Variants in ZNRF2 observed in about 807,000 individuals in gnomAD.
ZNRF2 encodes the protein zinc and ring finger 2, also known as E3 ubiquitin-protein ligase ZNRF2.
Under a neutral mutation model 20.4 loss-of-function variants are expected in ZNRF2, and 16 were observed. The ratio of observed to expected loss-of-function variants is 0.79; its 90% CI spans 0.53 to 1.19. The LOEUF is 1.19. Ranked by LOEUF, ZNRF2 falls within the 50% of genes most tolerant of loss-of-function variation. The pLI, the probability that ZNRF2 is intolerant of heterozygous loss-of-function variation, is 0.00. For synonymous variants in ZNRF2, 178 were observed against 144.9 expected (o/e 1.23, Z -1.64); for missense variants, 363 against 332.4 (o/e 1.09, Z -0.72).
intron 3 of ZNRF2, among the ~76,000 whole-genome samples, chr7:30,360,640 A>G (rs1364101818): frequency 6.6e-6 from 1 of 152,178 alleles, no homozygotes; most frequent in African/African-American, 2.4e-5. Context: ...GTTTGCAGTG[A>G]ATTGAGATGT....
rs1286425352 is a variant in ZNRF2, at chr7:30,323,691, T to C, written c.519T>C (p.Asp173=). Residue 173 remains aspartate, a synonymous_variant, in exon 2 of 5, where the codon GAT becomes GAC. Coordinates refer to ENST00000323037, the MANE Select transcript of ZNRF2 (RefSeq NM_147128.4). ...CSKFVSSDEM[D]LHLVMCLTKP... ...AATTTGTATCCTCAGATGAAATGGA[T>C]TTGCATCTTGTAATGTGTTTAACAA... 10 of 1,601,332 alleles carry C rather than the reference T, an allele frequency of 6.2e-6. No individual in the cohort carries two copies. The highest frequency in any genetic ancestry group is 1.3e-5 in the African/African-American group (1 of 74,194).
At chr7:30,361,482 A>G (rs1800126073) in intron 3 of ZNRF2, among the ~76,000 whole-genome samples, 1 of 152,246 alleles carries the variant, frequency 6.6e-6, no homozygotes, top group African/African-American at 2.4e-5. Context: ...CAAATTTGAA[A>G]TATGTCACCA....
Position 30,284,725 on chromosome 7 carries a change from CT to C in ZNRF2, c.-632del, listed in dbSNP as rs2128052625. ...CCAGATCCTCCCGCCAGCCCGGCCC[CT>C]CCTTCGCAGGGGGAGCGAGGCGACG... On this transcript the variant is annotated 5_prime_UTR_variant, in exon 1 of 5. Coordinates refer to ENST00000323037, the MANE Select transcript of ZNRF2 (RefSeq NM_147128.4). 5.5e-6 allele frequency: 1 copy of C among 180,916 alleles called. No homozygotes were observed. The highest frequency in any genetic ancestry group is 2.4e-5 in the African/African-American group (1 of 41,682). The allele number at this position is 180,916 out of a possible 1,614,324, so 11.2% of individuals were successfully genotyped here. A position where few individuals can be genotyped will look rare whatever the true frequency, so the allele number is the denominator to read the frequency against.
At chr7:30,313,734 T>G (rs1283065789) in intron 1 of ZNRF2, among the ~76,000 whole-genome samples, 1 of 152,106 alleles carries the variant, frequency 6.6e-6, no homozygotes, top group Non-Finnish European at 1.5e-5. Flanking sequence ...TTGTTTCACA[T>G]CAGTGAAGAA....
Position 30,355,684 on chromosome 7 carries a change from G to A in ZNRF2, c.566-44G>A, listed in dbSNP as rs189565511. 239 of 1,495,452 alleles carry A rather than the reference G, an allele frequency of 1.6e-4. 1 individual carries two copies. The African/African-American group carries it at 2.9e-3, about 18-fold the overall frequency. The allele number at this position is 1,495,452 out of a possible 1,614,324, so 92.6% of individuals were successfully genotyped here. On this transcript the variant is annotated intron_variant, in intron 2 of 4. Transcript: ENST00000323037. ...ATTCACGTAATTCTTTTTTCAATTT[G>A]ATGGATAATTTTATTGTCCTGAATT...
chr7:30,316,993 G>A (rs1702960753), intron 1 of ZNRF2, among the ~76,000 whole-genome samples: 1 of 151,658 alleles, frequency 6.6e-6, no homozygotes, highest in African/African-American at 2.4e-5. Flanking sequence ...TGATTTATTT[G>A]CCCCCCCTTT....
intron 2 of ZNRF2, among the ~76,000 whole-genome samples, chr7:30,352,726 C>T (rs753339019): frequency 1.3e-5 from 2 of 151,962 alleles, no homozygotes; most frequent in Non-Finnish European, 2.9e-5. Context: ...AGTAGTCTAC[C>T]CCAAGATATT....
chr7:30,285,717 C>A lies in ZNRF2; in HGVS notation c.360C>A (p.Ser120Arg). Residue 120 changes from serine (S) to arginine (R), a missense_variant, in exon 1 of 5, where the codon AGC (serine) becomes AGA (arginine). Ser to Arg is a moderately radical substitution (Grantham distance 110). Around this residue, in one of 2 missense-constraint regions of ZNRF2, gnomAD observed 302 missense variants for 231.5 expected, o/e 1.30. Transcript: ENST00000323037. ...PYGSQDSVHS[S>R]PEDGGGGRDR... The stretch of plus-strand genomic sequence containing the variant: ...GCTCGCAGGACTCGGTGCACAGCAG[C>A]CCTGAGGACGGCGGCGGCGGCCGGG... 1 of 1,481,062 alleles carries A rather than the reference C, an allele frequency of 6.8e-7. No homozygotes were observed. Among genetic ancestry groups the A allele is most frequent in the Non-Finnish European group, 8.9e-7 (1 of 1,122,768 alleles). The allele number at this position is 1,481,062 out of a possible 1,614,324, so 91.7% of individuals were successfully genotyped here.
intron 2 of ZNRF2, among the ~76,000 whole-genome samples, chr7:30,325,641 T>G (rs1419326618): frequency 6.6e-6 from 1 of 152,184 alleles, no homozygotes; most frequent in Non-Finnish European, 1.5e-5. Flanking sequence ...TCTCAATTCT[T>G]CCCTTTCCTT....
chr7:30,357,785 T>C (rs918362831), intron 3 of ZNRF2, among the ~76,000 whole-genome samples: 1 of 152,150 alleles, frequency 6.6e-6, no homozygotes, highest in African/African-American at 2.4e-5. Flanking sequence ...AACACCATGC[T>C]AACAACCTTA....
At chr7:30,355,690 T>C (rs1184150680) in intron 2 of ZNRF2, 38 bp from the exon 3 acceptor site, 2 of 1,524,234 alleles carry the variant, frequency 1.3e-6, no homozygotes, top group Non-Finnish European at 1.8e-6. Flanking sequence ...ATTTGATGGA[T>C]AATTTTATTG....
chr7:30,354,273 A>G (rs1016500848), intron 2 of ZNRF2, among the ~76,000 whole-genome samples: 6 of 152,116 alleles, frequency 3.9e-5, no homozygotes, highest in Non-Finnish European at 8.8e-5. Flanking sequence ...ACTGTAATAT[A>G]TTAGCTTGTG....
At chr7:30,292,982 G>T (rs1798938618) in intron 1 of ZNRF2, among the ~76,000 whole-genome samples, 1 of 152,248 alleles carries the variant, frequency 6.6e-6, no homozygotes, top group Middle Eastern at 3.4e-3. Flanking sequence ...GTGTGAGGTG[G>T]CAAGAGTCAG....
At chr7:30,307,729 A>G (rs964915051) in intron 1 of ZNRF2, among the ~76,000 whole-genome samples, 1 of 152,046 alleles carries the variant, frequency 6.6e-6, no homozygotes, top group Non-Finnish European at 1.5e-5. Flanking sequence ...TTGTATTTTG[A>G]TTTAATGAAA....
chr7:30,296,702 C>T (rs910978295), intron 1 of ZNRF2, among the ~76,000 whole-genome samples: 10 of 152,182 alleles, frequency 6.6e-5, no homozygotes, highest in African/African-American at 2.4e-4. Context: ...TTCCTACCAC[C>T]TTACCGTACG....
At chr7:30,296,956 T>C (rs140607084) in intron 1 of ZNRF2, among the ~76,000 whole-genome samples, 4,583 of 152,216 alleles carry the variant, frequency 0.03, 173 homozygotes, top group African/African-American at 0.09. Flanking sequence ...AGATGAGACT[T>C]AGAAGTTAGA....
At chr7:30,351,667 C>T (rs1328231808) in intron 2 of ZNRF2, among the ~76,000 whole-genome samples, 2 of 151,966 alleles carry the variant, frequency 1.3e-5, no homozygotes, top group Non-Finnish European at 2.9e-5. Flanking sequence ...GAATCCTGAC[C>T]TCAGGACTTA....
chr7:30,285,245 G>A lies in ZNRF2; in HGVS notation c.-113G>A, dbSNP rs920768185. The A allele has an allele frequency of 1.1e-5, 8 of 733,030 alleles. No homozygotes were observed. Among genetic ancestry groups the A allele is most frequent in the Non-Finnish European group, 1.4e-5 (8 of 584,598 alleles). 45.4% of individuals were successfully genotyped at this position (733,030 alleles called of 1,614,324 possible). On this transcript the variant is annotated 5_prime_UTR_variant, in exon 1 of 5. Coordinates refer to ENST00000323037, the MANE Select transcript of ZNRF2 (RefSeq NM_147128.4). Reference sequence around the variant, plus strand: ...GGGCGGCGGCCCTGGACGTGCGGGGGCCTCTCTGGGCCGGCCGCGGCGCCT... The same window carrying A: ...GGGCGGCGGCCCTGGACGTGCGGGGACCTCTCTGGGCCGGCCGCGGCGCCT...
chr7:30,327,690 A>G (rs1472478341), intron 2 of ZNRF2, among the ~76,000 whole-genome samples: 2 of 151,930 alleles, frequency 1.3e-5, no homozygotes, highest in Admixed American at 6.6e-5. Flanking sequence ...AAATAAAAAT[A>G]TATATATTTT....
Sources: allele counts gnomAD v4.1 joint callset (sites outside exome capture counted in the v4.1 genomes callset), GRCh38; gene constraint gnomAD v4.1.1; regional missense constraint gnomAD v4.1.1; transcripts MANE v1.5; gene names NCBI Gene and HGNC (gene_info 2026-07-23, HGNC 2026-07-21).